The following RANBP2 variants were observed in gnomAD, a reference collection of about 807,000 sequenced individuals.
RANBP2 encodes the protein RAN binding protein 2, also known as E3 SUMO-protein ligase RanBP2.
A neutral mutation model predicts 303.6 loss-of-function variants in RANBP2; 57 were observed. The observed-to-expected ratio is 0.19, with a 90% confidence interval of 0.15 to 0.23. The LOEUF (loss-of-function observed/expected upper bound fraction) is 0.23, where lower values mean the gene tolerates loss of function less well. Among genes scored for constraint, RANBP2 ranks in the 10% least tolerant of loss-of-function variants. RANBP2 has a pLI of 1.00. For synonymous variants in RANBP2, 1,167 were observed against 1,301.5 expected, an observed-to-expected ratio of 0.90 and a Z score of 2.23; for missense variants, 3,138 against 3,780.8, an observed-to-expected ratio of 0.83 and a Z score of 4.46.
At chr2:109,274,472 C>CA in the RANBP2 span, among the ~76,000 whole-genome samples, 1 of 152,170 alleles carries the variant, frequency 6.6e-6, no homozygotes, top group Non-Finnish European at 1.5e-5. Context: ...ATGAAATTGT[C>CA]ATATATGCTG....
chr2:109,291,175 G>C, the RANBP2 span, among the ~76,000 whole-genome samples: 2 of 152,272 alleles, frequency 1.3e-5, no homozygotes, highest in South Asian at 4.1e-4. Flanking sequence ...GAGTGAGAGG[G>C]CACCATCTCA....
At chr2:108,753,655 G>A (rs1676082681) in intron 14 of RANBP2, 92 bp downstream of exon 14, 1 of 1,591,172 alleles carries the variant, frequency 6.3e-7, no homozygotes, top group Non-Finnish European at 8.5e-7. Flanking sequence ...GGGCTAGAGT[G>A]CAGTGGCACA....
chr2:109,151,647 C>A, the RANBP2 span, among the ~76,000 whole-genome samples: 2 of 152,230 alleles, frequency 1.3e-5, no homozygotes, highest in East Asian at 3.8e-4. Flanking sequence ...TTCACCCCTG[C>A]AGTACATCTG....
At chr2:109,206,155 A>G in the RANBP2 span, among the ~76,000 whole-genome samples, 1 of 152,086 alleles carries the variant, frequency 6.6e-6, no homozygotes. Flanking sequence ...GTAGAATGTT[A>G]TTCTGGGGAC....
At chr2:109,646,980 A>G in the RANBP2 span, among the ~76,000 whole-genome samples, 363 of 152,110 alleles carry the variant, frequency 2.4e-3, 1 homozygote, top group African/African-American at 8.1e-3. Flanking sequence ...CACTACCTCA[A>G]TGTTCTATGG....
the RANBP2 span, among the ~76,000 whole-genome samples, chr2:109,672,532 G>T: frequency 5.3e-5 from 8 of 152,162 alleles, no homozygotes. Flanking sequence ...AGTAACTGTT[G>T]TCTTTAAGAA....
At chr2:108,922,669 T>C in the RANBP2 span, among the ~76,000 whole-genome samples, 2 of 152,214 alleles carry the variant, frequency 1.3e-5, no homozygotes, top group South Asian at 4.2e-4. Context: ...CCTCCACCCT[T>C]GAAGGAGCCA....
chr2:108,815,932 G>T, the RANBP2 span: 2 of 1,584,152 alleles, frequency 1.3e-6, no homozygotes, highest in South Asian at 2.3e-5. Flanking sequence ...TTTAATTTTT[G>T]ACATATAGGT....
At chr2:109,239,689 A>G in the RANBP2 span, among the ~76,000 whole-genome samples, 2 of 152,030 alleles carry the variant, frequency 1.3e-5, no homozygotes, top group Non-Finnish European at 2.9e-5. Context: ...GTGGAGTAAT[A>G]GATTTTAGGG....
chr2:109,657,101 G>T, the RANBP2 span, among the ~76,000 whole-genome samples: 1 of 152,124 alleles, frequency 6.6e-6, no homozygotes, highest in African/African-American at 2.4e-5. Context: ...CTAATTTCAT[G>T]AATGGCCCAA....
the RANBP2 span, chr2:109,419,444 A>G: frequency 7.7e-7 from 1 of 1,302,316 alleles, no homozygotes; most frequent in South Asian, 1.4e-5. Flanking sequence ...CTGGCGAAGC[A>G]CAGGCACCTG....
At chr2:109,128,720 G>A in the RANBP2 span, 157,120 of 163,494 alleles carry the variant, frequency 0.96, 75,762 homozygotes, top group Non-Finnish European at 1. Flanking sequence ...GAAGGCAGTC[G>A]GGATAACGCC....
At chr2:108,848,058 A>G in the RANBP2 span, among the ~76,000 whole-genome samples, 2,439 of 152,308 alleles carry the variant, frequency 0.016, 73 homozygotes, top group African/African-American at 0.057. Context: ...TAGCTGACAC[A>G]TCATAGCCAC....
chr2:109,387,040 A>G, the RANBP2 span, among the ~76,000 whole-genome samples: 2 of 152,242 alleles, frequency 1.3e-5, no homozygotes, highest in East Asian at 3.8e-4. Context: ...AAAGAAGAAA[A>G]TTAAAATCAC....
the RANBP2 span, among the ~76,000 whole-genome samples, chr2:109,266,696 G>A: frequency 6.6e-6 from 1 of 152,094 alleles, no homozygotes; most frequent in Non-Finnish European, 1.5e-5. Flanking sequence ...AGATTGGGAA[G>A]GCTTCTAAGC....
chr2:109,416,421 C>T, the RANBP2 span, among the ~76,000 whole-genome samples: 19 of 152,076 alleles, frequency 1.2e-4, no homozygotes, highest in Non-Finnish European at 2.4e-4. Flanking sequence ...ATGGCGAAAC[C>T]CCCCCGTTTC....
At chr2:109,405,641 G>A in the RANBP2 span, among the ~76,000 whole-genome samples, 1 of 152,170 alleles carries the variant, frequency 6.6e-6, no homozygotes, top group Non-Finnish European at 1.5e-5. Flanking sequence ...TGTGCAGAAG[G>A]CTCCTGCCCG....
At chr2:109,371,386 C>A in the RANBP2 span, among the ~76,000 whole-genome samples, 2 of 152,150 alleles carry the variant, frequency 1.3e-5, no homozygotes, top group South Asian at 4.1e-4. Flanking sequence ...CGAGACTCCG[C>A]CCCTCCCTCC....
the RANBP2 span, among the ~76,000 whole-genome samples, chr2:109,107,152 G>A: frequency 6.6e-6 from 1 of 151,680 alleles, no homozygotes; most frequent in African/African-American, 2.4e-5. Context: ...GTGTTGGCGA[G>A]GCTGGACTTG....
Sources: allele counts gnomAD v4.1 joint callset (sites outside exome capture counted in the v4.1 genomes callset), GRCh38; gene constraint gnomAD v4.1.1; transcripts MANE v1.5; gene names NCBI Gene and HGNC (gene_info 2026-07-23, HGNC 2026-07-21).